Variants in ATG2B observed in about 807,000 individuals in gnomAD.
The protein encoded by ATG2B is autophagy related 2B, also known as autophagy-related protein 2 homolog B.
ATG2B carries 121 observed loss-of-function variants against 241.3 expected under a neutral mutation model. The observed-to-expected ratio is 0.50, with a 90% CI of 0.43 to 0.58. The LOEUF (loss-of-function observed/expected upper bound fraction) is 0.58, where lower values mean the gene tolerates loss of function less well. Among genes scored for constraint, ATG2B ranks in the 20% least tolerant of loss-of-function variants. The pLI is 0.00. For synonymous variants in ATG2B, 858 were observed against 876.6 expected, an observed-to-expected ratio of 0.98 and a Z score of 0.37; for missense variants, 2,306 against 2,491.6, an observed-to-expected ratio of 0.93 and a Z score of 1.59.
intron 5 of ATG2B, 129 bp downstream of exon 5, chr14:96,342,990 T>A (rs1595330121): frequency 1.7e-6 from 1 of 601,922 alleles, no homozygotes; most frequent in Admixed American, 3.6e-5. Flanking sequence ...CATTACTGAA[T>A]ATTTGCATTA....
At chr14:96,326,969 G>A (rs780957181) in intron 14 of ATG2B, among the ~76,000 whole-genome samples, 1 of 152,078 alleles carries the variant, frequency 6.6e-6, no homozygotes, top group Non-Finnish European at 1.5e-5. Flanking sequence ...TCATCCAATT[G>A]CATATATAGT....
At chr14:96,303,018 G>A (rs774721206) in intron 33 of ATG2B, 43 bp downstream of exon 33, 30 of 1,369,900 alleles carry the variant, frequency 2.2e-5, no homozygotes, top group Middle Eastern at 4.2e-4. Context: ...ATAAAAACAC[G>A]TTTCCAAAAC....
chr14:96,334,592 T>C, intron 6 of ATG2B, 91 bp from the exon 7 acceptor site: 1 of 667,990 alleles, frequency 1.5e-6, no homozygotes, highest in Non-Finnish European at 2.5e-6. Context: ...CTGAGATGAA[T>C]ACTGAGTCTT....
intron 32 of ATG2B, 87 bp downstream of exon 32, chr14:96,304,408 G>T: frequency 1.1e-6 from 1 of 936,836 alleles, no homozygotes; most frequent in Non-Finnish European, 1.7e-6. Context: ...TGGGACTTAA[G>T]GCTCAAGACT....
chr14:96,318,999 G>A (rs1399128483), intron 18 of ATG2B, among the ~76,000 whole-genome samples: 1 of 152,160 alleles, frequency 6.6e-6, no homozygotes, highest in Non-Finnish European at 1.5e-5. Context: ...ACGGACAGTT[G>A]GTGAGGACAG....
intron 18 of ATG2B, among the ~76,000 whole-genome samples, chr14:96,321,052 A>G (rs576478651): frequency 6.6e-6 from 1 of 152,276 alleles, no homozygotes; most frequent in East Asian, 1.9e-4. Context: ...TTTTCTTCCT[A>G]TACCAGAGTG....
intron 21 of ATG2B, 72 bp downstream of exon 21, chr14:96,316,461 T>C: frequency 2.7e-6 from 4 of 1,463,950 alleles, no homozygotes; most frequent in Non-Finnish European, 3.7e-6. Flanking sequence ...CTGTTCTCAA[T>C]AGATTTTCTT....
At chr14:96,298,784 G>A (rs965918459) in intron 34 of ATG2B, among the ~76,000 whole-genome samples, 2 of 152,194 alleles carry the variant, frequency 1.3e-5, no homozygotes, top group African/African-American at 2.4e-5. Context: ...CATGAGTGAC[G>A]TCTTCACGGT....
intron 6 of ATG2B, 143 bp downstream of exon 6, chr14:96,341,379 G>A: frequency 1.8e-6 from 1 of 548,602 alleles, no homozygotes; most frequent in Non-Finnish European, 2.9e-6. Context: ...AGCATCAACT[G>A]AGAGTAAAAA....
intron 1 of ATG2B, among the ~76,000 whole-genome samples, chr14:96,351,388 G>A (rs927609906): frequency 1.3e-5 from 2 of 152,158 alleles, no homozygotes; most frequent in African/African-American, 4.8e-5. Flanking sequence ...GATTGCTTGA[G>A]TCCAGGAATT....
intron 1 of ATG2B, among the ~76,000 whole-genome samples, chr14:96,353,170 G>A (rs558921549): frequency 6.6e-6 from 1 of 152,242 alleles, no homozygotes; most frequent in East Asian, 1.9e-4. Flanking sequence ...GTATACAGTA[G>A]GCTATACCAC....
chr14:96,332,676 T>C, intron 8 of ATG2B, 21 bp from the exon 9 acceptor site: 1 of 1,523,120 alleles, frequency 6.6e-7, no homozygotes, highest in Non-Finnish European at 8.8e-7. Flanking sequence ...TTAAACTATG[T>C]CACTTGTATT....
chr14:96,312,966 T>C, intron 25 of ATG2B, 99 bp downstream of exon 25: 1 of 737,662 alleles, frequency 1.4e-6, no homozygotes, highest in Non-Finnish European at 2.1e-6. Flanking sequence ...AAAGAACGTT[T>C]AACAAAAAAT....
rs986116395 is a variant in ATG2B, at chr14:96,282,945, T to C, written c.*2810A>G. ...TGCCTTATAAAAATATTGATAAATA[T>C]ATGTACTTAAGCGAGAATCCAAATC... On this transcript the variant is annotated 3_prime_UTR_variant, in exon 42 of 42. Coordinates refer to ENST00000359933, the MANE Select transcript of ATG2B (RefSeq NM_018036.7). 1 of 152,210 alleles carries C rather than the reference T, an allele frequency of 6.6e-6. No individual in the cohort carries two copies. The highest frequency in any genetic ancestry group is 2.4e-5 in the African/African-American group (1 of 41,438). The allele number at this position is 152,210 out of a possible 1,614,324, so 9.4% of individuals were successfully genotyped here.
At position 96,285,935 on chromosome 14, in the gene ATG2B, G is replaced by A. The variant is rs770271550; in HGVS notation, c.6057C>T (p.His2019=). The change falls in exon 42 of 42, where the codon CAC becomes CAT. Residue 2019 remains histidine, a synonymous_variant. Transcript: ENST00000359933. This position sits in a 1 kb window ranked among gnomAD's most constrained non-coding sequence, Gnocchi z 4.2. ...QTIYETAARE[H]ESRGVTGAVG... Reference sequence around the variant, plus strand: ...CGGCACCAGTCACCCCTCTGCTCTCGTGTTCTCGAGCCGCAGTTTCATAAA... The same window carrying A: ...CGGCACCAGTCACCCCTCTGCTCTCATGTTCTCGAGCCGCAGTTTCATAAA... 71 of 1,613,766 alleles carry A rather than the reference G, an allele frequency of 4.4e-5. No individual in the cohort carries two copies. The highest frequency in any genetic ancestry group is 5.3e-5 in the Non-Finnish European group (63 of 1,180,018).
rs965519120 is a variant in ATG2B at position 96,279,817 on chromosome 14, G to A, written c.*5938C>T. The A allele has an allele frequency of 6.6e-6, 1 of 150,882 alleles. No homozygotes were observed. Among genetic ancestry groups the A allele is most frequent in the Non-Finnish European group, 1.5e-5 (1 of 67,882 alleles). 9.3% of individuals were successfully genotyped at this position (150,882 alleles called of 1,614,324 possible). A position where few individuals can be genotyped will look rare whatever the true frequency, so the allele number is the denominator to read the frequency against. On this transcript the variant is annotated 3_prime_UTR_variant, in exon 42 of 42. Transcript: ENST00000359933. ...TTTGGCATATTTGGCCATGTCTGGA[G>A]ACGTCTTTGGCTGTCACAACTGGGG...
At chr14:96,304,362 T>C in intron 32 of ATG2B, 133 bp downstream of exon 32, 1 of 581,570 alleles carries the variant, frequency 1.7e-6, no homozygotes, top group Non-Finnish European at 3.1e-6. Context: ...GTAAGAGTTT[T>C]ATACAAGATC....
intron 14 of ATG2B, among the ~76,000 whole-genome samples, chr14:96,326,396 T>C (rs1333602894): frequency 3.3e-5 from 5 of 152,152 alleles, no homozygotes; most frequent in Non-Finnish European, 1.5e-5. Context: ...TTTGTACTTC[T>C]AAGATAAAAC....
chr14:96,328,136 C>G (rs1202997022), intron 14 of ATG2B, among the ~76,000 whole-genome samples: 1 of 152,082 alleles, frequency 6.6e-6, no homozygotes, highest in Non-Finnish European at 1.5e-5. Context: ...TTTAAATGAC[C>G]ACATAACATT....
Sources: allele counts gnomAD v4.1 joint callset (sites outside exome capture counted in the v4.1 genomes callset), GRCh38; gene constraint gnomAD v4.1.1; non-coding constraint Gnocchi (gnomAD v3.1); transcripts MANE v1.5; gene names NCBI Gene and HGNC (gene_info 2026-07-23, HGNC 2026-07-21).